Variants in CNTNAP2 observed in about 807,000 individuals in gnomAD.
The protein encoded by CNTNAP2 is contactin associated protein 2, also known as contactin-associated protein-like 2.
CNTNAP2 carries 98 observed loss-of-function variants against 155.2 expected under a neutral mutation model. The observed-to-expected ratio is 0.63, with a 90% CI of 0.54 to 0.75. The LOEUF (loss-of-function observed/expected upper bound fraction) is 0.75, where lower values mean the gene tolerates loss of function less well. Among genes scored for constraint, CNTNAP2 ranks in the 30% least tolerant of loss-of-function variants. The probability of loss-of-function intolerance (pLI) is 0.00; values close to 1 mark genes in which losing one functional copy is unlikely to be tolerated. For missense variants in CNTNAP2, 1,727 were observed against 1,688.1 expected, an observed-to-expected ratio of 1.02 and a Z score of -0.40; for synonymous variants, 651 against 631.2, an observed-to-expected ratio of 1.03 and a Z score of -0.47.
chr7:148,078,297 C>T (rs1388603245), intron 15 of CNTNAP2, among the ~76,000 whole-genome samples: 1 of 152,092 alleles, frequency 6.6e-6, no homozygotes, highest in Non-Finnish European at 1.5e-5. Context: ...CTTCTGGCAT[C>T]AAGTGATCTG....
intron 1 of CNTNAP2, among the ~76,000 whole-genome samples, chr7:146,581,871 C>CT (rs995968684): frequency 3.3e-5 from 5 of 151,860 alleles, no homozygotes; most frequent in African/African-American, 9.7e-5. Context: ...TTTGTCAATG[C>CT]TTTTTTTTCT....
intron 13 of CNTNAP2, among the ~76,000 whole-genome samples, chr7:147,717,565 G>T (rs1212280156): frequency 6.6e-6 from 1 of 152,046 alleles, no homozygotes; most frequent in East Asian, 1.9e-4. Flanking sequence ...TTCCAATTTA[G>T]AATTTACGGT....
At chr7:147,086,376 A>C (rs981091384) in intron 4 of CNTNAP2, among the ~76,000 whole-genome samples, 3 of 152,018 alleles carry the variant, frequency 2.0e-5, no homozygotes, top group Non-Finnish European at 4.4e-5. Context: ...TTTTTGATAC[A>C]TCCACAGAAA....
At chr7:148,389,735 C>T (rs1799304731) in intron 22 of CNTNAP2, 1 of 152,066 alleles carries the variant, frequency 6.6e-6, no homozygotes, top group African/African-American at 2.4e-5. Context: ...GGAGGCGGCT[C>T]AGCATTCACT....
chr7:146,191,476 A>G (rs1194787107), intron 1 of CNTNAP2, among the ~76,000 whole-genome samples: 2 of 152,210 alleles, frequency 1.3e-5, no homozygotes, highest in African/African-American at 4.8e-5. Flanking sequence ...ATAACATCTT[A>G]TCAGGAGACA....
At chr7:147,992,233 A>T (rs2710077) in intron 15 of CNTNAP2, among the ~76,000 whole-genome samples, 97,227 of 151,298 alleles carry the variant, frequency 0.64, 33,551 homozygotes, top group African/African-American at 0.89. Flanking sequence ...TAGATGGGAT[A>T]ACAGGAGCAT....
At chr7:148,367,924 A>G (rs1798816134) in intron 21 of CNTNAP2, among the ~76,000 whole-genome samples, 3 of 152,194 alleles carry the variant, frequency 2.0e-5, no homozygotes, top group South Asian at 4.1e-4. Context: ...AGTCACGGTA[A>G]TGATAGGACT....
intron 3 of CNTNAP2, among the ~76,000 whole-genome samples, chr7:146,965,844 C>T (rs1312194035): frequency 6.6e-6 from 1 of 152,148 alleles, no homozygotes; most frequent in Non-Finnish European, 1.5e-5. Context: ...CAACAGGTGT[C>T]ATTTGCAGGA....
At chr7:148,313,729 G>A (rs967059427) in intron 21 of CNTNAP2, among the ~76,000 whole-genome samples, 12 of 152,260 alleles carry the variant, frequency 7.9e-5, no homozygotes, top group African/African-American at 1.7e-4. Context: ...TCTGAGCACC[G>A]GAATTTAATT....
chr7:146,780,165 C>T (rs549284231), intron 2 of CNTNAP2, among the ~76,000 whole-genome samples: 1 of 151,310 alleles, frequency 6.6e-6, no homozygotes, highest in East Asian at 2.0e-4. Context: ...TTCTCCACAT[C>T]CTCGCCAGCA....
chr7:147,608,907 G>A (rs1269105328), intron 12 of CNTNAP2, among the ~76,000 whole-genome samples: 1 of 152,144 alleles, frequency 6.6e-6, no homozygotes, highest in East Asian at 1.9e-4. Flanking sequence ...AGGCAGGGGC[G>A]GGGGTCAAAA....
chr7:147,290,183 G>T (rs1462936540), intron 8 of CNTNAP2, among the ~76,000 whole-genome samples: 3 of 152,068 alleles, frequency 2.0e-5, no homozygotes, highest in African/African-American at 7.2e-5. Context: ...TCTGTTTAAA[G>T]TTACTGTATT....
chr7:146,134,991 A>G (rs957484364), intron 1 of CNTNAP2, among the ~76,000 whole-genome samples: 4 of 151,968 alleles, frequency 2.6e-5, no homozygotes, highest in Non-Finnish European at 4.4e-5. Flanking sequence ...GAATGGTACC[A>G]GTTCCTCCTT....
At chr7:147,318,613 A>G (rs1795281634) in intron 9 of CNTNAP2, among the ~76,000 whole-genome samples, 1 of 152,072 alleles carries the variant, frequency 6.6e-6, no homozygotes, top group African/African-American at 2.4e-5. Context: ...GAGTTGAACA[A>G]TAAGAACACA....
intron 1 of CNTNAP2, among the ~76,000 whole-genome samples, chr7:146,378,129 G>A (rs1795330232): frequency 6.6e-6 from 1 of 152,154 alleles, no homozygotes; most frequent in South Asian, 2.1e-4. Flanking sequence ...GAGAGTAGGT[G>A]CTTTATAAAT....
chr7:146,417,982 G>C (rs539951514), intron 1 of CNTNAP2, among the ~76,000 whole-genome samples: 1 of 152,176 alleles, frequency 6.6e-6, no homozygotes, highest in East Asian at 1.9e-4. Context: ...CTTCCAGTTG[G>C]GGGATATAAA....
intron 13 of CNTNAP2, among the ~76,000 whole-genome samples, chr7:147,700,713 G>A (rs1328828138): frequency 2.2e-4 from 34 of 152,190 alleles, no homozygotes; most frequent in Admixed American, 6.5e-5. Context: ...TGAAGAAAGT[G>A]CCAGCCTCCA....
chr7:148,332,727 A>C (rs1798051410), intron 21 of CNTNAP2, among the ~76,000 whole-genome samples: 1 of 152,210 alleles, frequency 6.6e-6, no homozygotes, highest in Non-Finnish European at 1.5e-5. Context: ...CATTCATGTG[A>C]TTTAAAATTA....
chr7:146,680,076 TTTAA>T (rs1171550128), intron 1 of CNTNAP2, among the ~76,000 whole-genome samples: 1 of 152,152 alleles, frequency 6.6e-6, no homozygotes, highest in Non-Finnish European at 1.5e-5. Context: ...ATGTAGCGGA[TTTAA>T]TTGTCATCAT....
Sources: gnomAD v4.1 joint callset for allele counts (sites outside exome capture counted in the v4.1 genomes callset) on GRCh38, gnomAD v4.1.1 for gene constraint, MANE v1.5 for transcripts, NCBI Gene and HGNC (gene_info 2026-07-23, HGNC 2026-07-21) for gene names.